The following NF1 variants were observed in gnomAD, a reference collection of about 807,000 sequenced individuals.
NF1 encodes neurofibromin.
A neutral mutation model predicts 325.7 loss-of-function variants in NF1; 122 were observed. The observed-to-expected ratio is 0.37, with a 90% CI of 0.32 to 0.44. The LOEUF is 0.44. Ranked by LOEUF, NF1 falls within the 20% of genes least tolerant of loss-of-function variation. The probability of loss-of-function intolerance (pLI) is 1.00; values close to 1 mark genes in which losing one functional copy is unlikely to be tolerated. For missense variants in NF1, 2,140 were observed against 3,415.4 expected (o/e 0.63, Z 9.31); for synonymous variants, 1,091 against 1,186.0 (o/e 0.92, Z 1.65).
At chr17:31,118,445 C>G (rs552325431) in intron 1 of NF1, among the ~76,000 whole-genome samples, 48 of 152,158 alleles carry the variant, frequency 3.2e-4, no homozygotes, top group African/African-American at 1.1e-3. Flanking sequence ...TCCCCTAAAC[C>G]CCCACCCCGC....
At chr17:31,205,338 A>C (rs2905873) in intron 11 of NF1, among the ~76,000 whole-genome samples, 36,173 of 152,050 alleles carry the variant, frequency 0.24, 5,237 homozygotes, top group South Asian at 0.42. Context: ...TTTTTAAATA[A>C]ACATCTGGAG....
chr17:31,107,393 A>C (rs1002989711), intron 1 of NF1, among the ~76,000 whole-genome samples: 2 of 152,110 alleles, frequency 1.3e-5, no homozygotes, highest in African/African-American at 4.8e-5. Context: ...CTCTCATGAC[A>C]CAAACTACCC....
chr17:31,232,863 G>A lies in NF1; in HGVS notation c.3478G>A (p.Gly1160Ser), dbSNP rs786202815. ...SNLLNANVDS[G>S]LMHSIGLGYH... is the part of the protein sequence containing the mutation. ...CTTACTCAATGCCAACGTAGACAGTGGTCTCATGCACTCCATAGGTGAGAT... is the reference window on the plus strand; with the variant it reads ...CTTACTCAATGCCAACGTAGACAGTAGTCTCATGCACTCCATAGGTGAGAT... Residue 1160 changes from glycine (G) to serine (S), a missense_variant, in exon 26 of 58, where the codon GGT (glycine) becomes AGT (serine). By Grantham distance (56) the Gly-to-Ser change is moderately conservative. Around this residue, in one of 10 missense-constraint regions of NF1, gnomAD observed 380 missense variants for 639.3 expected, o/e 0.59. Coordinates refer to ENST00000358273, the MANE Select transcript of NF1 (RefSeq NM_001042492.3). 1 of 1,613,782 alleles carries A rather than the reference G, an allele frequency of 6.2e-7. No individual in the cohort carries two copies. Among genetic ancestry groups the A allele is most frequent in the Non-Finnish European group, 8.5e-7 (1 of 1,179,940 alleles).
intron 36 of NF1, chr17:31,278,144 TTG>T (rs887685313): frequency 6.6e-6 from 1 of 152,138 alleles, no homozygotes; most frequent in Admixed American, 6.5e-5. Context: ...AGTTAAAAAA[TTG>T]TGTCTTTCTT....
At chr17:31,118,939 T>TC (rs1250834888) in intron 1 of NF1, among the ~76,000 whole-genome samples, 4 of 37,860 alleles carry the variant, frequency 1.1e-4, no homozygotes, top group South Asian at 1.7e-3. Context: ...TCTCTCTCTC[T>TC]TTTTTTTTTT....
At position 31,376,952 on chromosome 17, in the gene NF1, C is replaced by G. The variant is rs748242921; in HGVS notation, c.*2797C>G. 4.3e-6 allele frequency: 1 copy of G among 233,254 alleles called. No homozygotes were observed. Among genetic ancestry groups the G allele is most frequent in the African/African-American group, 2.2e-5 (1 of 45,350 alleles). 14.4% of individuals were successfully genotyped at this position (233,254 alleles called of 1,614,324 possible). A position where few individuals can be genotyped will look rare whatever the true frequency, so the allele number is the denominator to read the frequency against. On this transcript the variant is annotated 3_prime_UTR_variant, in exon 58 of 58. Transcript: ENST00000358273. Reference sequence around the variant, plus strand: ...CTGAGCCAGGTGCCCAGGACACATCCTAAACAGTCAGCTTCTATCCTGTGT... The same window carrying G: ...CTGAGCCAGGTGCCCAGGACACATCGTAAACAGTCAGCTTCTATCCTGTGT...
rs150184918 is a variant in NF1 at position 31,241,362 on chromosome 17, G to A, written c.3974+5341G>A. ...ATTTACATTCAGTGTTATTATTGAC[G>A]AGGACTTACTCCTGCTATTTTGTTA... On this transcript the variant is annotated intron_variant, in intron 29 of 57. Coordinates refer to ENST00000358273, the MANE Select transcript of NF1 (RefSeq NM_001042492.3). 7.7e-4 allele frequency among the ~76,000 whole-genome samples: 117 copies of A among 152,252 alleles called. 1 individual carries two copies. The East Asian group carries it at 0.019, about 25-fold the overall frequency.
At chr17:31,158,433 A>C (rs555445024) in intron 2 of NF1, among the ~76,000 whole-genome samples, 11 of 152,270 alleles carry the variant, frequency 7.2e-5, no homozygotes, top group Non-Finnish European at 1.6e-4. Context: ...GCACATATGA[A>C]TATGTGGCTG....
At chr17:31,201,569 T>C in intron 11 of NF1, 84 bp downstream of exon 11, 2 of 1,005,844 alleles carry the variant, frequency 2.0e-6, no homozygotes, top group Non-Finnish European at 3.1e-6. Context: ...AAATGCACTC[T>C]TGGTTTTCAA....
chr17:31,357,393 A>G (rs2151583557), intron 54 of NF1, 24 bp downstream of exon 54: 1 of 1,569,496 alleles, frequency 6.4e-7, no homozygotes, highest in African/African-American at 1.3e-5. Context: ...TTTGATTTTA[A>G]TTCACCTTCG....
intron 36 of NF1, among the ~76,000 whole-genome samples, chr17:31,306,732 C>G (rs938697720): frequency 6.6e-6 from 1 of 151,626 alleles, no homozygotes; most frequent in Non-Finnish European, 1.5e-5. Flanking sequence ...AGTCCTGCTG[C>G]TGCTTTCATT....
intron 12 of NF1, among the ~76,000 whole-genome samples, chr17:31,208,139 A>C (rs2066657263): frequency 6.6e-6 from 1 of 152,204 alleles, no homozygotes; most frequent in Non-Finnish European, 1.5e-5. Flanking sequence ...CCATAACTAG[A>C]GAGGATTTCC....
chr17:31,143,537 G>T (rs1409644906), intron 1 of NF1, among the ~76,000 whole-genome samples: 1 of 151,884 alleles, frequency 6.6e-6, no homozygotes, highest in Non-Finnish European at 1.5e-5. Flanking sequence ...TCCCCAAAGT[G>T]CTGGTTTTAC....
chr17:31,367,427 G>T, intron 57 of NF1: 1 of 367,426 alleles, frequency 2.7e-6, no homozygotes, highest in Non-Finnish European at 5.1e-6. Flanking sequence ...ACTTTATAAG[G>T]TCTTGGTACT....
At chr17:31,144,990 C>A (rs1302914464) in intron 1 of NF1, among the ~76,000 whole-genome samples, 1 of 152,144 alleles carries the variant, frequency 6.6e-6, no homozygotes, top group Non-Finnish European at 1.5e-5. Context: ...TTAAAATGGC[C>A]TATAAGGCTT....
At chr17:31,103,377 G>A (rs1199830396) in intron 1 of NF1, among the ~76,000 whole-genome samples, 2 of 152,124 alleles carry the variant, frequency 1.3e-5, no homozygotes, top group Non-Finnish European at 2.9e-5. Context: ...CAAGTAGCTG[G>A]GATTACAGGC....
chr17:31,292,142 C>T (rs1251418783), intron 36 of NF1, among the ~76,000 whole-genome samples: 1 of 152,206 alleles, frequency 6.6e-6, no homozygotes, highest in Non-Finnish European at 1.5e-5. Context: ...TATGGTCATA[C>T]AGCTGAGAAG....
chr17:31,375,030 T>TA lies in NF1; in HGVS notation c.*875_*876insA. 1 of 201,456 alleles carries TA rather than the reference T, an allele frequency of 5.0e-6. No individual in the cohort carries two copies. The highest frequency in any genetic ancestry group is 1.0e-5 in the Non-Finnish European group (1 of 97,734). The allele number at this position is 201,456 out of a possible 1,614,324, so 12.5% of individuals were successfully genotyped here. ...ATAGTAATTATATATATATATATATTTTTTCCCCTCCCCCTCTTCTTTCCT... is the reference window on the plus strand; with the variant it reads ...ATAGTAATTATATATATATATATATTATTTTCCCCTCCCCCTCTTCTTTCCT... On this transcript the variant is annotated 3_prime_UTR_variant, in exon 58 of 58. Transcript: ENST00000358273.
At chr17:31,297,714 T>C (rs1025318016) in intron 36 of NF1, among the ~76,000 whole-genome samples, 2 of 152,202 alleles carry the variant, frequency 1.3e-5, no homozygotes, top group African/African-American at 4.8e-5. Flanking sequence ...TTTAATATTA[T>C]AAAAAATCTG....
Sources: gnomAD v4.1 joint callset for allele counts (sites outside exome capture counted in the v4.1 genomes callset) on GRCh38, gnomAD v4.1.1 for gene constraint, gnomAD v4.1.1 regional missense constraint, MANE v1.5 for transcripts, NCBI Gene and HGNC (gene_info 2026-07-23, HGNC 2026-07-21) for gene names.